FHIT: variants seen among roughly 807,000 people sequenced by gnomAD.
The protein encoded by FHIT is bis(5'-adenosyl)-triphosphatase.
A neutral mutation model predicts 17.9 loss-of-function variants in FHIT; 19 were observed. That is an observed-to-expected ratio of 1.06 (90% confidence interval 0.74 to 1.56). The LOEUF is 1.56. Ranked by LOEUF, FHIT falls within the 40% of genes most tolerant of loss-of-function variation. The pLI, the probability that FHIT is intolerant of heterozygous loss-of-function variation, is 0.00. For missense variants in FHIT, 248 were observed against 189.2 expected, an observed-to-expected ratio of 1.31 and a Z score of -1.82; for synonymous variants, 81 against 69.7, an observed-to-expected ratio of 1.16 and a Z score of -0.81.
intron 2 of FHIT, among the ~76,000 whole-genome samples, chr3:61,195,015 G>A (rs2038815915): frequency 6.9e-6 from 1 of 145,710 alleles, no homozygotes; most frequent in Non-Finnish European, 1.5e-5. Context: ...GTTAGTGGGG[G>A]GTGTGATAGT....
chr3:60,426,436 G>T (rs113729848), intron 5 of FHIT, among the ~76,000 whole-genome samples: 1 of 152,038 alleles, frequency 6.6e-6, no homozygotes, highest in Non-Finnish European at 1.5e-5. Flanking sequence ...AACATTCTTA[G>T]GTCTAGACCA....
intron 2 of FHIT, among the ~76,000 whole-genome samples, chr3:61,133,720 AT>A (rs1236114170): frequency 1.3e-5 from 2 of 152,166 alleles, no homozygotes; most frequent in African/African-American, 4.8e-5. Flanking sequence ...AGCAAACTAA[AT>A]AATACAGCAA....
chr3:60,831,641 T>C (rs1341528866), intron 3 of FHIT, among the ~76,000 whole-genome samples: 2 of 150,058 alleles, frequency 1.3e-5, no homozygotes, highest in East Asian at 3.8e-4. Flanking sequence ...TTAATAATTA[T>C]GGAACACTTA....
chr3:60,403,892 A>T (rs535704732), intron 5 of FHIT, among the ~76,000 whole-genome samples: 1 of 152,174 alleles, frequency 6.6e-6, no homozygotes, highest in Non-Finnish European at 1.5e-5. Flanking sequence ...TCTTCTATTC[A>T]TCTGCCTCTT....
intron 5 of FHIT, among the ~76,000 whole-genome samples, chr3:60,172,584 G>T: frequency 6.6e-6 from 1 of 152,102 alleles, no homozygotes; most frequent in East Asian, 1.9e-4. Flanking sequence ...ACTGAAGTGT[G>T]TTTTGTTAGA....
chr3:60,113,957 G>A (rs1432004132), intron 5 of FHIT, among the ~76,000 whole-genome samples: 2 of 116,758 alleles, frequency 1.7e-5, no homozygotes, highest in African/African-American at 3.5e-5. Flanking sequence ...AGCCGACATC[G>A]CGCCACAGCA....
At chr3:60,377,607 G>C (rs1375570879) in intron 5 of FHIT, among the ~76,000 whole-genome samples, 1 of 145,784 alleles carries the variant, frequency 6.9e-6, no homozygotes, top group Non-Finnish European at 1.5e-5. Context: ...TCAGCCTCCC[G>C]AGTAGCTGGG....
At chr3:60,092,412 C>G (rs373038221) in intron 5 of FHIT, among the ~76,000 whole-genome samples, 1 of 152,060 alleles carries the variant, frequency 6.6e-6, no homozygotes, top group Non-Finnish European at 1.5e-5. Context: ...GGTAGAAGTA[C>G]GAAGCAACAT....
rs537418963 is a variant in FHIT at position 59,927,361 on chromosome 3, T to G, written c.280-4947A>C. Among the ~76,000 whole-genome samples the G allele has an allele frequency of 2.0e-5, 3 of 151,984 alleles. No individual in the cohort carries two copies. The South Asian group carries it at 6.2e-4, about 32-fold the overall frequency. On this transcript the variant is annotated intron_variant, in intron 7 of 9. Coordinates refer to ENST00000492590, the MANE Select transcript of FHIT (RefSeq NM_002012.4). ...GATATGTTCTGGAATTATATAGCAGTGATGGTTGCACAACTTTGTGACAAT... is the reference window on the plus strand; with the variant it reads ...GATATGTTCTGGAATTATATAGCAGGGATGGTTGCACAACTTTGTGACAAT...
intron 4 of FHIT, among the ~76,000 whole-genome samples, chr3:60,556,827 C>A (rs1390860282): frequency 1.3e-5 from 2 of 152,198 alleles, no homozygotes; most frequent in Non-Finnish European, 2.9e-5. Context: ...AGGTGACCAC[C>A]GTGTTGAACA....
intron 8 of FHIT, among the ~76,000 whole-genome samples, chr3:59,829,555 C>CA (rs1052207270): frequency 2.0e-5 from 3 of 152,294 alleles, no homozygotes; most frequent in African/African-American, 7.2e-5. Context: ...CTTCACTATC[C>CA]TTGCAGAGGA....
At chr3:60,581,982 A>G (rs1393575183) in intron 4 of FHIT, among the ~76,000 whole-genome samples, 1 of 152,032 alleles carries the variant, frequency 6.6e-6, no homozygotes, top group Non-Finnish European at 1.5e-5. Flanking sequence ...AGCAAACACC[A>G]TTGCAATGTG....
chr3:60,055,792 G>C (rs369159693), intron 5 of FHIT, among the ~76,000 whole-genome samples: 3 of 152,096 alleles, frequency 2.0e-5, no homozygotes, highest in Admixed American at 6.5e-5. Flanking sequence ...TTAGAGGAAC[G>C]GGAAGGCTAA....
rs541860892 is a variant in FHIT, at chr3:60,449,676, G to C, written c.103+87184C>G. 2.0e-5 allele frequency among the ~76,000 whole-genome samples: 3 copies of C among 152,120 alleles called. No homozygotes were observed. In the Middle Eastern group the frequency reaches 0.01, roughly 517 times the overall value. ...AATTGTAACACACTGGCAAGTATTTGTGTATCAAAACATAAAAAAGATACT... is the reference window on the plus strand; with the variant it reads ...AATTGTAACACACTGGCAAGTATTTCTGTATCAAAACATAAAAAAGATACT... On this transcript the variant is annotated intron_variant, in intron 5 of 9. Coordinates refer to ENST00000492590, the MANE Select transcript of FHIT (RefSeq NM_002012.4).
intron 5 of FHIT, among the ~76,000 whole-genome samples, chr3:60,475,275 G>A (rs1163387492): frequency 2.0e-5 from 3 of 152,136 alleles, no homozygotes; most frequent in Non-Finnish European, 2.9e-5. Flanking sequence ...AAGGTTAGGG[G>A]AGTTAAGTAA....
At chr3:60,441,367 G>C (rs1042854924) in intron 5 of FHIT, among the ~76,000 whole-genome samples, 1 of 151,948 alleles carries the variant, frequency 6.6e-6, no homozygotes, top group Non-Finnish European at 1.5e-5. Context: ...TGGAAGTTAT[G>C]TTCTCGGGAA....
chr3:61,242,887 C>T (rs371673864), intron 1 of FHIT, among the ~76,000 whole-genome samples: 1 of 152,150 alleles, frequency 6.6e-6, no homozygotes, highest in South Asian at 2.1e-4. Context: ...GGAAAAATAT[C>T]TCCAGCACCA....
intron 5 of FHIT, among the ~76,000 whole-genome samples, chr3:60,064,901 A>C (rs1031943489): frequency 6.6e-6 from 1 of 152,146 alleles, no homozygotes; most frequent in African/African-American, 2.4e-5. Context: ...TAATCTTCCC[A>C]TTGCATATGA....
intron 8 of FHIT, among the ~76,000 whole-genome samples, chr3:59,922,112 G>C (rs995356474): frequency 2.0e-5 from 3 of 152,118 alleles, no homozygotes; most frequent in African/African-American, 7.2e-5. Context: ...AAATCACAAG[G>C]ACACTTGGTT....
Sources: allele counts gnomAD v4.1 joint callset (sites outside exome capture counted in the v4.1 genomes callset), GRCh38; gene constraint gnomAD v4.1.1; transcripts MANE v1.5; gene names NCBI Gene and HGNC (gene_info 2026-07-23, HGNC 2026-07-21).